Variants in IMPG2 observed in about 807,000 individuals in gnomAD.
The protein encoded by IMPG2 is IPM 200.
A neutral mutation model predicts 129.2 loss-of-function variants in IMPG2; 91 were observed. The ratio of observed to expected loss-of-function variants is 0.70; its 90% CI spans 0.59 to 0.84. The LOEUF is 0.84. Among genes scored for constraint, IMPG2 ranks in the 40% least tolerant of loss-of-function variants. The pLI, the probability that IMPG2 is intolerant of heterozygous loss-of-function variation, is 0.00. For synonymous variants in IMPG2, 510 were observed against 517.7 expected, an observed-to-expected ratio of 0.99 and a Z score of 0.20; for missense variants, 1,430 against 1,461.7, an observed-to-expected ratio of 0.98 and a Z score of 0.35.
chr3:101,267,419 A>G (rs1275109584), intron 9 of IMPG2, 92 bp downstream of exon 9: 1 of 1,068,878 alleles, frequency 9.4e-7, no homozygotes, highest in African/African-American at 1.6e-5. Context: ...GTGATATAAT[A>G]TTTGAGTTAT....
chr3:101,261,393 C>T (rs79857245), intron 9 of IMPG2, among the ~76,000 whole-genome samples: 4,028 of 152,204 alleles, frequency 0.026, 178 homozygotes, highest in African/African-American at 0.092. Context: ...TACCATATGC[C>T]TTGCATGACT....
intron 9 of IMPG2, among the ~76,000 whole-genome samples, chr3:101,265,843 T>C (rs1244200469): frequency 3.3e-5 from 5 of 152,150 alleles, no homozygotes; most frequent in Middle Eastern, 6.8e-3. Context: ...GAAACTCAAA[T>C]ATCTCCACAG....
intron 14 of IMPG2, among the ~76,000 whole-genome samples, chr3:101,235,736 G>T (rs1706338625): frequency 6.6e-6 from 1 of 152,202 alleles, no homozygotes; most frequent in Non-Finnish European, 1.5e-5. Flanking sequence ...CAAAGGTAGA[G>T]TTGGAGGTAA....
intron 4 of IMPG2, among the ~76,000 whole-genome samples, chr3:101,283,696 T>C (rs1041181087): frequency 6.6e-6 from 1 of 152,056 alleles, no homozygotes; most frequent in African/African-American, 2.4e-5. Flanking sequence ...ATATACTACA[T>C]AGCAAAATAC....
rs1269615710 is a variant in IMPG2, at chr3:101,269,589, A to G, written c.829-16T>C. The G allele has an allele frequency of 1.4e-6, 2 of 1,444,140 alleles. No homozygotes were observed. 89.5% of individuals were successfully genotyped at this position (1,444,140 alleles called of 1,614,324 possible). On this transcript the variant is annotated splice_polypyrimidine_tract_variant and intron_variant, in intron 7 of 18. Coordinates refer to ENST00000193391, the MANE Select transcript of IMPG2 (RefSeq NM_016247.4). ...CATTTTCAACCTGTTAAAAGTACAA[A>G]TAAAAATGATAACTATGTAAAAATA...
At chr3:101,312,537 A>G (rs1303653346) in intron 2 of IMPG2, among the ~76,000 whole-genome samples, 1 of 152,106 alleles carries the variant, frequency 6.6e-6, no homozygotes, top group African/African-American at 2.4e-5. Context: ...TGGCAAAGAT[A>G]TGACTAAATC....
chr3:101,312,931 G>T (rs886904641), intron 2 of IMPG2, among the ~76,000 whole-genome samples: 3 of 152,082 alleles, frequency 2.0e-5, no homozygotes, highest in Non-Finnish European at 4.4e-5. Context: ...CCTGGGAAGA[G>T]GGGGAAGGGA....
In IMPG2 at chr3:101,222,559, T is replaced by C. The variant is rs1180639226; in HGVS notation, c.*4410A>G. ...AATGTAGACAGGTTCTTGAAAGTGA[T>C]GTTTATTACTAATGAAAATAGTACA... On this transcript the variant is annotated 3_prime_UTR_variant, in exon 19 of 19. Transcript: ENST00000193391. 1 of 152,250 alleles carries C rather than the reference T, an allele frequency of 6.6e-6. No homozygotes were observed. Among genetic ancestry groups the C allele is most frequent in the Non-Finnish European group, 1.5e-5 (1 of 68,044 alleles). 9.4% of individuals were successfully genotyped at this position (152,250 alleles called of 1,614,324 possible). A position where few individuals can be genotyped will look rare whatever the true frequency, so the allele number is the denominator to read the frequency against.
At position 101,275,666 on chromosome 3, in the gene IMPG2, C is replaced by T; in HGVS notation, c.663G>A (p.Glu221=). The T allele has an allele frequency of 6.2e-7, 1 of 1,607,464 alleles. No homozygotes were observed. The highest frequency in any genetic ancestry group is 8.5e-7 in the Non-Finnish European group (1 of 1,173,882). Reference sequence around the variant, plus strand: ...AACAAAACAGAGCATCACTCACACTCTCCTCTGGCCTTTCCAAGCTGCTCT... The same window carrying T: ...AACAAAACAGAGCATCACTCACACTTTCCTCTGGCCTTTCCAAGCTGCTCT... The part of the protein sequence containing the change: ...ASESSLERPE[E]SISNEIENVI... Residue 221 remains glutamate (E), a synonymous_variant, in exon 6 of 19, where the codon GAG becomes GAA. Coordinates refer to ENST00000193391, the MANE Select transcript of IMPG2 (RefSeq NM_016247.4).
intron 10 of IMPG2, among the ~76,000 whole-genome samples, chr3:101,255,450 C>T (rs1229141148): frequency 6.6e-6 from 1 of 152,076 alleles, no homozygotes; most frequent in Non-Finnish European, 1.5e-5. Flanking sequence ...GAAGATCTTG[C>T]AATACTGTTT....
intron 3 of IMPG2, among the ~76,000 whole-genome samples, chr3:101,295,768 A>G (rs1707073383): frequency 6.6e-6 from 1 of 152,044 alleles, no homozygotes; most frequent in African/African-American, 2.4e-5. Flanking sequence ...CTCCTTGAAG[A>G]GGTTCTTCAC....
Position 101,231,021 on chromosome 3 carries a change from T to C in IMPG2, c.3358A>G (p.Ile1120Val), listed in dbSNP as rs1347287232. The C allele has an allele frequency of 6.2e-7, 1 of 1,613,976 alleles. No individual in the cohort carries two copies. Among genetic ancestry groups the C allele is most frequent in the Admixed American group, 1.7e-5 (1 of 59,994 alleles). Residue 1120 changes from isoleucine (I) to valine (V), a missense_variant, in exon 16 of 19, where the codon ATC (isoleucine) becomes GTC (valine). By Grantham distance (29) the Ile-to-Val change is conservative. Transcript: ENST00000193391. ...TGGAGAGTCCTGATGAAGAAGTAGA[T>C]GATAGCAGAAAAGATGACAAGAAGT... The part of the protein sequence containing the change: ...VGLLVIFSAI[I>V]YFFIRTLQAH...
At chr3:101,315,423 T>C (rs2058780077) in intron 2 of IMPG2, among the ~76,000 whole-genome samples, 1 of 152,164 alleles carries the variant, frequency 6.6e-6, no homozygotes. Context: ...CTACAGACTG[T>C]CCACGTGGGT....
chr3:101,279,921 TAAC>T (rs1706875763), intron 4 of IMPG2, among the ~76,000 whole-genome samples: 1 of 152,160 alleles, frequency 6.6e-6, no homozygotes, highest in Non-Finnish European at 1.5e-5. Flanking sequence ...AAAGAACACT[TAAC>T]AACAAGAATC....
At chr3:101,247,474 G>C (rs938632450) in intron 11 of IMPG2, among the ~76,000 whole-genome samples, 6 of 152,176 alleles carry the variant, frequency 3.9e-5, no homozygotes, top group Non-Finnish European at 8.8e-5. Context: ...GCACATGCCT[G>C]TAATCCCAAC....
At chr3:101,311,179 T>A (rs1328146202) in intron 2 of IMPG2, among the ~76,000 whole-genome samples, 13 of 142,804 alleles carry the variant, frequency 9.1e-5, no homozygotes, top group Admixed American at 2.1e-4. Flanking sequence ...TACAACTAGG[T>A]AAAAAAAAAA....
intron 5 of IMPG2, among the ~76,000 whole-genome samples, chr3:101,276,303 T>G (rs1706840011): frequency 1.3e-5 from 2 of 152,184 alleles, no homozygotes; most frequent in Non-Finnish European, 2.9e-5. Flanking sequence ...AAATCCTTAC[T>G]CTGGGAACCT....
chr3:101,261,139 T>G (rs1053863433), intron 9 of IMPG2, among the ~76,000 whole-genome samples: 2 of 152,184 alleles, frequency 1.3e-5, no homozygotes, highest in African/African-American at 2.4e-5. Flanking sequence ...TGTGAGGATG[T>G]GCATGCTCTT....
chr3:101,256,736 C>T (rs1006842366), intron 10 of IMPG2, among the ~76,000 whole-genome samples: 1 of 152,124 alleles, frequency 6.6e-6, no homozygotes, highest in African/African-American at 2.4e-5. Flanking sequence ...GCAGCTGGTA[C>T]TTCTCCCATG....
Sources: gnomAD v4.1 joint callset for allele counts (sites outside exome capture counted in the v4.1 genomes callset) on GRCh38, gnomAD v4.1.1 for gene constraint, MANE v1.5 for transcripts, NCBI Gene and HGNC (gene_info 2026-07-23, HGNC 2026-07-21) for gene names.